URI1: variants seen among roughly 807,000 people sequenced by gnomAD.
URI1 encodes the protein URI1 prefoldin like chaperone, also known as unconventional prefoldin RPB5 interactor 1.
A neutral mutation model predicts 60.2 loss-of-function variants in URI1; 39 were observed. The ratio of observed to expected loss-of-function variants is 0.65; its 90% CI spans 0.50 to 0.85. The LOEUF is 0.85. URI1 is among the 40% of genes least tolerant of loss of function. URI1 has a pLI of 0.00. For synonymous variants in URI1, 251 were observed against 236.8 expected (o/e 1.06, Z -0.55); for missense variants, 691 against 665.9 (o/e 1.04, Z -0.42).
intron 4 of URI1, among the ~76,000 whole-genome samples, chr19:30,003,334 A>C (rs144940314): frequency 2.6e-5 from 4 of 151,998 alleles, no homozygotes; most frequent in Non-Finnish European, 5.9e-5. Flanking sequence ...CATAGGACTT[A>C]TGATAATTTA....
intron 1 of URI1, among the ~76,000 whole-genome samples, chr19:29,959,395 T>G (rs1037553927): frequency 6.6e-6 from 1 of 152,214 alleles, no homozygotes; most frequent in Non-Finnish European, 1.5e-5. Context: ...CCCAAAATGA[T>G]GGACTACAGG....
chr19:29,944,298 T>TA (rs755631855), intron 1 of URI1, among the ~76,000 whole-genome samples: 10 of 150,008 alleles, frequency 6.7e-5, no homozygotes, highest in Non-Finnish European at 1.2e-4. Flanking sequence ...CATGAAATCT[T>TA]ACTCCTTTTG....
intron 4 of URI1, among the ~76,000 whole-genome samples, chr19:29,997,005 G>T (rs2055820989): frequency 6.6e-6 from 1 of 152,036 alleles, no homozygotes; most frequent in South Asian, 2.1e-4. Context: ...ACCGTATTTA[G>T]TTTGCCAGCA....
intron 1 of URI1, among the ~76,000 whole-genome samples, chr19:29,949,667 G>C (rs912270214): frequency 4.2e-4 from 64 of 152,052 alleles, no homozygotes; most frequent in African/African-American, 1.4e-3. Context: ...CGGCACGTCG[G>C]GGGGCCAAGG....
chr19:30,002,791 TAACTA>T (rs1030312606), intron 4 of URI1, among the ~76,000 whole-genome samples: 2 of 152,018 alleles, frequency 1.3e-5, no homozygotes, highest in Non-Finnish European at 2.9e-5. Context: ...TAATAATTGG[TAACTA>T]AAATGTTTGA....
intron 1 of URI1, among the ~76,000 whole-genome samples, chr19:29,936,577 G>T (rs977907370): frequency 6.6e-6 from 1 of 152,136 alleles, no homozygotes; most frequent in African/African-American, 2.4e-5. Context: ...AATTTGTTAA[G>T]CTTCTTGGAC....
Position 29,986,388 on chromosome 19 carries a change from C to G in URI1, c.338C>G (p.Ala113Gly), listed in dbSNP as rs768801845. 8 of 1,609,840 alleles carry G rather than the reference C, an allele frequency of 5.0e-6. No homozygotes were observed. In the South Asian group the frequency reaches 8.9e-5, roughly 18 times the overall value. ...TTTGCAAAGTGCTCAGCAAAGCAGG[C>G]TGTAGGTTTAGTTGAGCACCGGAAA... ...NWFAKCSAKQ[A>G]VGLVEHRKEH... Residue 113 changes from alanine (A) to glycine (G), a missense_variant, in exon 4 of 11, where the codon GCT (alanine) becomes GGT (glycine). Transcript: ENST00000392271.
intron 4 of URI1, among the ~76,000 whole-genome samples, chr19:30,001,436 T>C (rs2055877086): frequency 6.6e-6 from 1 of 151,894 alleles, no homozygotes; most frequent in Non-Finnish European, 1.5e-5. Context: ...TATGTTCACT[T>C]GGAATTAATC....
chr19:29,964,464 G>GTTTTTTTTTTTTTTTTTT (rs373357906), intron 1 of URI1, among the ~76,000 whole-genome samples: 2 of 124,648 alleles, frequency 1.6e-5, no homozygotes, highest in Non-Finnish European at 1.7e-5. Context: ...TTTTTGTTTT[G>GTTTTTTTTTTTTTTTTTT]TTTTTTTTTT....
intron 1 of URI1, among the ~76,000 whole-genome samples, chr19:29,946,527 ATATATT>A (rs1252492657): frequency 6.6e-6 from 1 of 152,224 alleles, no homozygotes; most frequent in Non-Finnish European, 1.5e-5. Flanking sequence ...CATTAGGATA[ATATATT>A]TATAATTGAG....
intron 4 of URI1, among the ~76,000 whole-genome samples, chr19:29,996,377 G>A (rs943462055): frequency 5.9e-5 from 9 of 152,046 alleles, no homozygotes. Context: ...TTCCTTTTTA[G>A]ATTGCTCATT....
chr19:29,956,235 G>A, intron 1 of URI1: 1 of 504,920 alleles, frequency 2.0e-6, no homozygotes, highest in South Asian at 2.2e-5. Context: ...CCTGTCTTCG[G>A]CCTCCCAAAA....
chr19:29,926,345 T>TAAAGC (rs1164277382), intron 1 of URI1, among the ~76,000 whole-genome samples: 3 of 151,734 alleles, frequency 2.0e-5, no homozygotes, highest in Non-Finnish European at 2.9e-5. Context: ...AGTGGTACAA[T>TAAAGC]TATAGCTTTT....
At chr19:30,012,263 A>G in intron 9 of URI1, 22 bp from the exon 10 acceptor site, 3 of 1,599,160 alleles carry the variant, frequency 1.9e-6, no homozygotes, top group Non-Finnish European at 2.6e-6. Context: ...TAGTGAATGC[A>G]TATGTGTTTT....
At chr19:29,984,785 G>A (rs1217331852) in intron 2 of URI1, among the ~76,000 whole-genome samples, 1 of 152,050 alleles carries the variant, frequency 6.6e-6, no homozygotes, top group Non-Finnish European at 1.5e-5. Context: ...TGGGATTACA[G>A]GCGTGAGCCA....
At chr19:29,950,935 T>G (rs944036107) in intron 1 of URI1, among the ~76,000 whole-genome samples, 6 of 152,234 alleles carry the variant, frequency 3.9e-5, no homozygotes, top group Non-Finnish European at 8.8e-5. Context: ...AGATGTCTAA[T>G]GAACATAATC....
At chr19:29,978,042 A>C (rs1418057839) in intron 2 of URI1, among the ~76,000 whole-genome samples, 1 of 152,132 alleles carries the variant, frequency 6.6e-6, no homozygotes, top group Non-Finnish European at 1.5e-5. Context: ...ATGTGTATTT[A>C]TGTGACTAAG....
At chr19:29,993,466 T>G (rs1164140920) in intron 4 of URI1, among the ~76,000 whole-genome samples, 2 of 152,234 alleles carry the variant, frequency 1.3e-5, no homozygotes, top group African/African-American at 4.8e-5. Context: ...CTTACTTGAT[T>G]TTGAGAAACT....
At position 29,942,796 on chromosome 19, in the gene URI1, A is replaced by C. The variant is rs552351202; in HGVS notation, c.117+132A>C. ...GAGGGAACGGGGATAAACTTTTGTC[A>C]CGTGCTTCTGTTGTCTTTGTCTGCA... On this transcript the variant is annotated intron_variant, in intron 1 of 10. Transcript: ENST00000392271. 27 of 1,121,366 alleles carry C rather than the reference A, an allele frequency of 2.4e-5. No individual in the cohort carries two copies. The Middle Eastern group carries it at 1.1e-3, about 44-fold the overall frequency. The allele number at this position is 1,121,366 out of a possible 1,614,324, so 69.5% of individuals were successfully genotyped here.
Sources: gnomAD v4.1 joint callset for allele counts (sites outside exome capture counted in the v4.1 genomes callset) on GRCh38, gnomAD v4.1.1 for gene constraint, MANE v1.5 for transcripts, NCBI Gene and HGNC (gene_info 2026-07-23, HGNC 2026-07-21) for gene names.